Variants in MPDZ observed in about 807,000 individuals in gnomAD.
MPDZ encodes multiple PDZ domain protein.
In MPDZ, 234 loss-of-function variants were observed where a neutral mutation model predicts 239.1. The observed-to-expected ratio is 0.98, with a 90% CI of 0.88 to 1.09. The LOEUF (loss-of-function observed/expected upper bound fraction) is 1.09. Among genes scored for constraint, MPDZ ranks in the 50% least tolerant of loss-of-function variants. MPDZ has a pLI of 0.00. For missense variants in MPDZ, 3,175 were observed against 2,510.0 expected (o/e 1.26, Z -5.66); for synonymous variants, 1,048 against 881.3 (o/e 1.19, Z -3.35).
Position 13,217,189 on chromosome 9 carries a change from T to C in MPDZ, c.1192A>G (p.Lys398Glu). Residue 398 changes from lysine to glutamate, a missense_variant, in exon 9 of 47, where the codon AAA becomes GAA. Coordinates refer to ENST00000319217, the MANE Select transcript of MPDZ (RefSeq NM_001378778.1). The stretch of plus-strand genomic sequence containing the variant: ...TAATGTTTAAAATTACCCAATTTTT[T>C]ATCTCCAATGTAGCCAGCAATGGTA... Reference protein sequence around the residue: ...GITIAGYIGDKKLEPSGIFVK... With the variant: ...GITIAGYIGDEKLEPSGIFVK... 1.3e-6 allele frequency: 2 copies of C among 1,579,918 alleles called. No homozygotes were observed. The highest frequency in any genetic ancestry group is 2.3e-5 in the East Asian group (1 of 44,298).
rs2136305882 is a variant in MPDZ at position 13,222,377 on chromosome 9, T to C, written c.603A>G (p.Thr201=). ...INGQALDQTI[T]HQQAISILQK... Reference sequence around the variant, plus strand: ...GCAGGATGCTGATAGCCTGCTGATGTGTAATTGTCTGATCAAGAGCCTGTC... The same window carrying C: ...GCAGGATGCTGATAGCCTGCTGATGCGTAATTGTCTGATCAAGAGCCTGTC... The change falls in exon 6 of 47, where the codon ACA becomes ACG. Residue 201 remains threonine (T), a synonymous_variant. Transcript: ENST00000319217. 5 of 1,612,926 alleles carry C rather than the reference T, an allele frequency of 3.1e-6. No individual in the cohort carries two copies. In the African/African-American group the frequency reaches 6.7e-5, roughly 22 times the overall value.
At chr9:13,192,043 AC>A (rs1236610229) in intron 15 of MPDZ, 87 bp downstream of exon 15, 6 of 1,199,160 alleles carry the variant, frequency 5.0e-6, no homozygotes, top group Non-Finnish European at 6.6e-6. Flanking sequence ...TAAATCAAAT[AC>A]CAAATTGAAA....
Position 13,105,966 on chromosome 9 carries a change from A to C in MPDZ, c.*999T>G, listed in dbSNP as rs941562981. ...TATAAGATGTTAATATAAGTCAATG[A>C]AATGAAGTTATGTTAATCCCCTTAA... is the stretch of plus-strand genomic sequence containing the variant. On this transcript the variant is annotated 3_prime_UTR_variant, in exon 47 of 47. Transcript: ENST00000319217. 4 of 152,204 alleles carry C rather than the reference A, an allele frequency of 2.6e-5. No individual in the cohort carries two copies. Among genetic ancestry groups the C allele is most frequent in the African/African-American group, 9.6e-5 (4 of 41,470 alleles). The allele number at this position is 152,204 out of a possible 1,614,324, so 9.4% of individuals were successfully genotyped here.
chr9:13,133,886 T>G lies in MPDZ; in HGVS notation c.4402A>C (p.Thr1468Pro), dbSNP rs753428524. The change falls in exon 32 of 47, where the codon ACT (threonine) becomes CCT (proline). Residue 1468 changes from threonine (T) to proline (P), a missense_variant. Transcript: ENST00000319217. Reference protein sequence around the residue: ...QNKETEPTVTTSDAAVDLSSF... With the variant: ...QNKETEPTVTPSDAAVDLSSF... The stretch of plus-strand genomic sequence containing the variant: ...CTGAGGTCCACAGCTGCATCAGAAG[T>G]AGTAACAGTTGGCTCTGTCTGACAG... 1 of 1,590,744 alleles carries G rather than the reference T, an allele frequency of 6.3e-7. No individual in the cohort carries two copies. The highest frequency in any genetic ancestry group is 8.6e-7 in the Non-Finnish European group (1 of 1,166,734).
At chr9:13,139,897 ATACT>A (rs760086326) in intron 28 of MPDZ, 86 bp downstream of exon 28, 4 of 1,463,684 alleles carry the variant, frequency 2.7e-6, no homozygotes, top group African/African-American at 1.4e-5. Flanking sequence ...AAGCTGCAAC[ATACT>A]TACTTATCCA....
chr9:13,195,704 G>A (rs1383767601), intron 13 of MPDZ, among the ~76,000 whole-genome samples: 2 of 152,100 alleles, frequency 1.3e-5, no homozygotes, highest in Non-Finnish European at 2.9e-5. Context: ...ATACATAGGA[G>A]TGGAAAAGAA....
At position 13,221,639 on chromosome 9, in the gene MPDZ, C is replaced by G; in HGVS notation, c.748-139G>C. On this transcript the variant is annotated intron_variant, in intron 6 of 46. Coordinates refer to ENST00000319217, the MANE Select transcript of MPDZ (RefSeq NM_001378778.1). The stretch of plus-strand genomic sequence containing the variant: ...ATAATAATGAGTCCTAACAATGTCC[C>G]TTTCATTTGGTATACTTCCCTTTCA... The G allele has an allele frequency of 3.6e-6, 3 of 839,324 alleles. No homozygotes were observed. In the South Asian group the frequency reaches 8.0e-5, roughly 22 times the overall value. 52.0% of individuals were successfully genotyped at this position (839,324 alleles called of 1,614,324 possible).
chr9:13,137,683 C>A (rs1289592888), intron 29 of MPDZ, among the ~76,000 whole-genome samples: 1 of 152,120 alleles, frequency 6.6e-6, no homozygotes, highest in South Asian at 2.1e-4. Context: ...GCACACAAAA[C>A]AAATGCTTTT....
rs74950079 is a variant in MPDZ at position 13,260,404 on chromosome 9, G to C, written c.-57-10032C>G. 6.8e-4 allele frequency among the ~76,000 whole-genome samples: 103 copies of C among 152,204 alleles called. 2 individuals carry two copies. In the East Asian group the frequency reaches 0.018, roughly 27 times the overall value. ...GGTTTAGGATAAATCCCACCTTTCC[G>C]GGCTTTGGTTACTGATGGATGGTAA... is the stretch of plus-strand genomic sequence containing the variant. On this transcript the variant is annotated intron_variant, in intron 1 of 46. Coordinates refer to ENST00000319217, the MANE Select transcript of MPDZ (RefSeq NM_001378778.1).
chr9:13,274,179 AAAAT>A (rs1322173786), intron 1 of MPDZ, among the ~76,000 whole-genome samples: 5 of 152,160 alleles, frequency 3.3e-5, no homozygotes, highest in Admixed American at 6.5e-5. Flanking sequence ...GCTATTTACT[AAAAT>A]AAATAATTAC....
chr9:13,267,801 T>A (rs10809923), intron 1 of MPDZ, among the ~76,000 whole-genome samples: 6 of 152,098 alleles, frequency 3.9e-5, no homozygotes, highest in Non-Finnish European at 8.8e-5. Context: ...TCTCAGAAAA[T>A]TCCTTAGCAT....
At chr9:13,132,462 G>T (rs1185495356) in intron 32 of MPDZ, among the ~76,000 whole-genome samples, 1 of 152,144 alleles carries the variant, frequency 6.6e-6, no homozygotes, top group Non-Finnish European at 1.5e-5. Flanking sequence ...GAGGTTCTGA[G>T]TAGGGGATTA....
intron 13 of MPDZ, among the ~76,000 whole-genome samples, chr9:13,194,809 A>G (rs1049691056): frequency 6.6e-6 from 1 of 152,150 alleles, no homozygotes; most frequent in African/African-American, 2.4e-5. Flanking sequence ...GAAGGACTGC[A>G]GTCTCAGTTA....
chr9:13,145,763 T>G (rs1179798102), intron 26 of MPDZ, among the ~76,000 whole-genome samples: 1 of 151,996 alleles, frequency 6.6e-6, no homozygotes, highest in Non-Finnish European at 1.5e-5. Flanking sequence ...ATAAGAGTAT[T>G]TTCCAGGTGT....
intron 1 of MPDZ, among the ~76,000 whole-genome samples, chr9:13,261,282 T>C (rs1303529420): frequency 1.3e-5 from 2 of 152,084 alleles, no homozygotes; most frequent in African/African-American, 2.4e-5. Context: ...ACACAGCCAA[T>C]AAGAGGAAAA....
chr9:13,106,935 G>T lies in MPDZ; in HGVS notation c.*30C>A. 2 of 1,611,856 alleles carry T rather than the reference G, an allele frequency of 1.2e-6. No homozygotes were observed. The highest frequency in any genetic ancestry group is 1.7e-6 in the Non-Finnish European group (2 of 1,178,208). On this transcript the variant is annotated 3_prime_UTR_variant, in exon 47 of 47. Transcript: ENST00000319217. ...TCTTTACAGTAGGAGGTGAGCTAGG[G>T]GTTGGGTTGGTTCAATTCTGGCAGC... is the stretch of plus-strand genomic sequence containing the variant.
chr9:13,206,128 TA>T (rs1956962540), intron 10 of MPDZ, 29 bp from the exon 11 acceptor site: 4 of 1,515,286 alleles, frequency 2.6e-6, no homozygotes, highest in Non-Finnish European at 3.6e-6. Flanking sequence ...AAAAGCATGT[TA>T]CATGTTAAAT....
chr9:13,147,982 G>C (rs1219608663), intron 25 of MPDZ, among the ~76,000 whole-genome samples: 1 of 151,914 alleles, frequency 6.6e-6, no homozygotes, highest in Admixed American at 6.6e-5. Flanking sequence ...AATTATATGA[G>C]GGAACTATCT....
At chr9:13,250,778 C>T (rs1449563876) in intron 1 of MPDZ, among the ~76,000 whole-genome samples, 1 of 152,046 alleles carries the variant, frequency 6.6e-6, no homozygotes, top group African/African-American at 2.4e-5. Flanking sequence ...AAAATGTGAT[C>T]CTGCCCTCAA....
Sources: gnomAD v4.1 joint callset for allele counts (sites outside exome capture counted in the v4.1 genomes callset) on GRCh38, gnomAD v4.1.1 for gene constraint, MANE v1.5 for transcripts, NCBI Gene and HGNC (gene_info 2026-07-23, HGNC 2026-07-21) for gene names.